Variants in FANCL observed in about 807,000 individuals in gnomAD.
FANCL encodes FA complementation group L.
In FANCL, 69 loss-of-function variants were observed where a neutral mutation model predicts 59.4. That is an observed-to-expected ratio of 1.16 (90% CI 0.96 to 1.42). The LOEUF is 1.42. Among genes scored for constraint, FANCL ranks in the 40% most tolerant of loss-of-function variants. The pLI, the probability that FANCL is intolerant of heterozygous loss-of-function variation, is 0.00. For synonymous variants in FANCL, 180 were observed against 147.1 expected, an observed-to-expected ratio of 1.22 and a Z score of -1.62; for missense variants, 519 against 447.2, an observed-to-expected ratio of 1.16 and a Z score of -1.45.
intron 2 of FANCL, 80 bp downstream of exon 2, chr2:58,231,974 C>A (rs112075853): frequency 6.8e-5 from 82 of 1,208,010 alleles, no homozygotes; most frequent in Non-Finnish European, 8.7e-5. Context: ...ACTCTAGTCA[C>A]TAGAATCAAT....
chr2:58,204,395 C>T (rs1001706710), intron 5 of FANCL, among the ~76,000 whole-genome samples, 169 bp from the exon 6 acceptor site: 15 of 152,036 alleles, frequency 9.9e-5, no homozygotes, highest in Admixed American at 4.6e-4. Flanking sequence ...GATTTACTGC[C>T]GTTCATATAC....
intron 5 of FANCL, among the ~76,000 whole-genome samples, chr2:58,219,117 A>G (rs185220845): frequency 8.7e-6 from 1 of 115,040 alleles, no homozygotes; most frequent in Admixed American, 1.1e-4. Context: ...AATTTCTTTC[A>G]GTGCCAGAAA....
chr2:58,233,884 A>C (rs1251978571), intron 1 of FANCL, among the ~76,000 whole-genome samples: 1 of 152,038 alleles, frequency 6.6e-6, no homozygotes, highest in African/African-American at 2.4e-5. Context: ...AGGTAGAGAC[A>C]CCTTTTGGAA....
chr2:58,162,546 C>A (rs917082887), intron 11 of FANCL, among the ~76,000 whole-genome samples: 1 of 151,720 alleles, frequency 6.6e-6, no homozygotes, highest in Non-Finnish European at 1.5e-5. Flanking sequence ...TGACAAGATG[C>A]AGAACCTGTG....
rs537459406 is a variant in FANCL, at chr2:58,162,306, A to C, written c.903+560T>G. 4.6e-5 allele frequency among the ~76,000 whole-genome samples: 7 copies of C among 152,088 alleles called. No individual in the cohort carries two copies. In the East Asian group the frequency reaches 1.3e-3, roughly 29 times the overall value. ...CTTCACAAACACTTACATCAAGCTA[A>C]TCAGTATTTGAGCCATCCATAAACA... On this transcript the variant is annotated intron_variant, in intron 11 of 13. Coordinates refer to ENST00000233741, the MANE Select transcript of FANCL (RefSeq NM_018062.4).
At chr2:58,241,031 C>T (rs1458457081) in intron 1 of FANCL, among the ~76,000 whole-genome samples, 187 bp downstream of exon 1, 1 of 152,226 alleles carries the variant, frequency 6.6e-6, no homozygotes, top group Non-Finnish European at 1.5e-5. Flanking sequence ...CCATCCAGCG[C>T]GGCGACCACC....
intron 7 of FANCL, among the ~76,000 whole-genome samples, chr2:58,170,035 A>C (rs969706216): frequency 6.6e-6 from 1 of 152,206 alleles, no homozygotes; most frequent in Non-Finnish European, 1.5e-5. Context: ...AATACAGAGA[A>C]CACCACAAAG....
chr2:58,181,279 G>C (rs1295188356), intron 7 of FANCL, among the ~76,000 whole-genome samples: 1 of 152,024 alleles, frequency 6.6e-6, no homozygotes, highest in African/African-American at 2.4e-5. Context: ...AAATGGATGG[G>C]TAAAATAAGC....
chr2:58,223,285 T>A (rs991284696), intron 4 of FANCL, among the ~76,000 whole-genome samples: 1 of 151,938 alleles, frequency 6.6e-6, no homozygotes, highest in East Asian at 1.9e-4. Flanking sequence ...AATAGACTGA[T>A]GGTCCACCAA....
At chr2:58,179,122 A>G (rs1390965796) in intron 7 of FANCL, among the ~76,000 whole-genome samples, 2 of 152,232 alleles carry the variant, frequency 1.3e-5, no homozygotes, top group East Asian at 1.9e-4. Flanking sequence ...ATTCATGGAT[A>G]GGAAGAATCA....
At chr2:58,182,945 T>C (rs1688066034) in intron 7 of FANCL, among the ~76,000 whole-genome samples, 1 of 151,822 alleles carries the variant, frequency 6.6e-6, no homozygotes, top group South Asian at 2.1e-4. Context: ...CTTACCTCCC[T>C]TAGCATTTGT....
intron 1 of FANCL, among the ~76,000 whole-genome samples, chr2:58,239,767 A>C (rs867101083): frequency 8.5e-5 from 13 of 152,224 alleles, no homozygotes; most frequent in African/African-American, 3.1e-4. Context: ...GTGTATACAC[A>C]CCCACCCACA....
chr2:58,175,966 A>C (rs1458340326), intron 7 of FANCL, among the ~76,000 whole-genome samples: 1 of 152,198 alleles, frequency 6.6e-6, no homozygotes, highest in African/African-American at 2.4e-5. Flanking sequence ...TACAAAAATC[A>C]CAAGCATTCT....
intron 1 of FANCL, among the ~76,000 whole-genome samples, chr2:58,240,982 G>A (rs1469693722): frequency 6.6e-6 from 1 of 152,192 alleles, no homozygotes; most frequent in African/African-American, 2.4e-5. Context: ...GAGGAGGCGT[G>A]GCCCCAGCCC....
chr2:58,200,314 T>C (rs541098836), intron 6 of FANCL, among the ~76,000 whole-genome samples: 31 of 152,156 alleles, frequency 2.0e-4, no homozygotes, highest in South Asian at 1.9e-3. Flanking sequence ...GCTAACTAAG[T>C]TGTATGATCC....
chr2:58,218,924 C>T (rs948858927), intron 5 of FANCL, among the ~76,000 whole-genome samples: 7 of 150,992 alleles, frequency 4.6e-5, no homozygotes, highest in South Asian at 4.2e-4. Flanking sequence ...AGTATGTACA[C>T]GAGTTAGTAT....
intron 7 of FANCL, among the ~76,000 whole-genome samples, chr2:58,194,425 G>C (rs1689236785): frequency 2.0e-5 from 3 of 152,168 alleles, no homozygotes; most frequent in Non-Finnish European, 4.4e-5. Context: ...TGAAGCATTT[G>C]TGATGTTAGA....
In FANCL at chr2:58,237,205, T is replaced by G. The variant is rs912696169; in HGVS notation, c.96+4013A>C. ...AGTACACACAGTATATTCACCAGGA[T>G]AGACTATATTATTGGTCATAAAATT... On this transcript the variant is annotated intron_variant, in intron 1 of 13. Coordinates refer to ENST00000233741, the MANE Select transcript of FANCL (RefSeq NM_018062.4). Among the ~76,000 whole-genome samples, 4 of 152,306 alleles carry G rather than the reference T, an allele frequency of 2.6e-5. No homozygotes were observed. The East Asian group carries it at 7.7e-4, about 29-fold the overall frequency.
chr2:58,230,552 C>T (rs1367225405), intron 2 of FANCL, among the ~76,000 whole-genome samples: 1 of 152,110 alleles, frequency 6.6e-6, no homozygotes, highest in African/African-American at 2.4e-5. Context: ...GTTGTGCTCC[C>T]GATACTATTA....
Sources: allele counts gnomAD v4.1 joint callset (sites outside exome capture counted in the v4.1 genomes callset), GRCh38; gene constraint gnomAD v4.1.1; transcripts MANE v1.5; gene names NCBI Gene and HGNC (gene_info 2026-07-23, HGNC 2026-07-21).